The following APOL1 variants were observed in gnomAD, a reference collection of about 807,000 sequenced individuals.
APOL1 encodes the protein apolipoprotein L 1.
In APOL1, 17 loss-of-function variants were observed where a neutral mutation model predicts 14.9. The observed-to-expected ratio is 1.14, with a 90% CI of 0.78 to 1.71. APOL1 has a LOEUF of 1.71. Among genes scored for constraint, APOL1 ranks in the 40% most tolerant of loss-of-function variants. The probability of loss-of-function intolerance (pLI) is 0.00; values close to 1 mark genes in which losing one functional copy is unlikely to be tolerated. For missense variants in APOL1, 523 were observed against 485.9 expected (o/e 1.08, Z -0.72); for synonymous variants, 195 against 184.8 (o/e 1.05, Z -0.45).
chr22:36,253,854 A>G (rs974188805), intron 1 of APOL1: 50 of 1,368,180 alleles, frequency 3.7e-5, no homozygotes, highest in Non-Finnish European at 5.1e-5. Flanking sequence ...GGGGTGATGG[A>G]GAAGAAACAG....
At chr22:36,264,810 C>CTTTTTTTT (rs368899919) in intron 5 of APOL1, among the ~76,000 whole-genome samples, 11 of 120,430 alleles carry the variant, frequency 9.1e-5, no homozygotes, top group East Asian at 4.5e-4. Context: ...AACTGCATTT[C>CTTTTTTTT]TTTTTTTTTT....
In APOL1 at chr22:36,263,807, A is replaced by G. The variant is rs970594837; in HGVS notation, c.315-1344A>G. Among the ~76,000 whole-genome samples the G allele has an allele frequency of 3.9e-5, 6 of 152,222 alleles. 1 individual carries two copies. Among genetic ancestry groups the G allele is most frequent in the African/African-American group, 1.4e-4 (6 of 41,444 alleles). On this transcript the variant is annotated intron_variant, in intron 5 of 5. Transcript: ENST00000397278. ...ATAGTAAAGACAGAGGGGGAGTCACAGCCAACACCAGGGTGGGGGCGGGAG... is the reference window on the plus strand; with the variant it reads ...ATAGTAAAGACAGAGGGGGAGTCACGGCCAACACCAGGGTGGGGGCGGGAG...
At chr22:36,263,600 C>T (rs2016142012) in intron 5 of APOL1, among the ~76,000 whole-genome samples, 1 of 152,238 alleles carries the variant, frequency 6.6e-6, no homozygotes, top group Non-Finnish European at 1.5e-5. Flanking sequence ...AAGTGTGAAG[C>T]TTCATTGTCC....
At chr22:36,260,396 C>G (rs136156) in intron 4 of APOL1, among the ~76,000 whole-genome samples, 2 of 149,624 alleles carry the variant, frequency 1.3e-5, no homozygotes, top group African/African-American at 4.9e-5. Context: ...CTCCATCCCC[C>G]CAAAAAAAAG....
chr22:36,259,694 T>A, intron 4 of APOL1: 1 of 1,303,690 alleles, frequency 7.7e-7, no homozygotes, highest in South Asian at 1.2e-5. Flanking sequence ...GAGGTGACAG[T>A]GGAGAGCCGT....
rs1282015503 is a variant in APOL1, at chr22:36,258,074, C to T, written c.187+667C>T. Among the ~76,000 whole-genome samples, 4 of 152,330 alleles carry T rather than the reference C, an allele frequency of 2.6e-5. No individual in the cohort carries two copies. The East Asian group carries it at 7.7e-4, about 29-fold the overall frequency. ...CCTGGCCTGGCCAGTGCCTGCCACA[C>T]AATAGGGCCTCCCTAAGGGCTGGTT... is the stretch of plus-strand genomic sequence containing the variant. On this transcript the variant is annotated intron_variant, in intron 4 of 5. Coordinates refer to ENST00000397278, the MANE Select transcript of APOL1 (RefSeq NM_003661.4).
Position 36,253,896 on chromosome 22 carries a change from T to G in APOL1, c.-20+677T>G. ...CTGTGTCCCTAATGGGAAACGTGGC[T>G]GAGACAGGGGAGTGAGAAGGGTGCG... On this transcript the variant is annotated intron_variant, in intron 1 of 5. Coordinates refer to ENST00000397278, the MANE Select transcript of APOL1 (RefSeq NM_003661.4). 2.5e-6 allele frequency: 4 copies of G among 1,601,056 alleles called. No homozygotes were observed. The South Asian group carries it at 3.3e-5, about 13-fold the overall frequency.
chr22:36,264,692 A>C (rs893566402), intron 5 of APOL1, among the ~76,000 whole-genome samples: 2 of 152,210 alleles, frequency 1.3e-5, no homozygotes, highest in Non-Finnish European at 2.9e-5. Context: ...TTTGAGTTTG[A>C]AAGATAATTA....
chr22:36,263,984 G>C (rs2016152847), intron 5 of APOL1, among the ~76,000 whole-genome samples: 1 of 152,154 alleles, frequency 6.6e-6, no homozygotes, highest in African/African-American at 2.4e-5. Context: ...ACAGCAAGGG[G>C]GGAAGACCCT....
Position 36,266,777 on chromosome 22 carries a change from C to T in APOL1, c.*744C>T, listed in dbSNP as rs575482587. 65 of 316,512 alleles carry T rather than the reference C, an allele frequency of 2.1e-4. No individual in the cohort carries two copies. The East Asian group carries it at 2.4e-3, about 12-fold the overall frequency. 19.6% of individuals were successfully genotyped at this position (316,512 alleles called of 1,614,324 possible). ...AAAATTAGCCGGGCATGGTGGCGGG[C>T]GCCTGTAGTTCCAGCTAACTGGGCG... On this transcript the variant is annotated 3_prime_UTR_variant, in exon 6 of 6. Transcript: ENST00000397278.
In APOL1 at chr22:36,265,560, G is replaced by C; in HGVS notation, c.724G>C (p.Asp242His). The C allele has an allele frequency of 6.2e-7, 1 of 1,602,826 alleles. No homozygotes were observed. Among genetic ancestry groups the C allele is most frequent in the Non-Finnish European group, 8.5e-7 (1 of 1,174,410 alleles). ...KKWWTQAQAH[D>H]LVIKSLDKLK... Reference sequence around the variant, plus strand: ...GTGGTGGACACAAGCCCAAGCCCACGACCTGGTCATCAAAAGCCTTGACAA... The same window carrying C: ...GTGGTGGACACAAGCCCAAGCCCACCACCTGGTCATCAAAAGCCTTGACAA... Residue 242 changes from aspartate to histidine, a missense_variant, in exon 6 of 6, where the codon GAC becomes CAC. Asp to His is a moderately conservative substitution (Grantham distance 81). Transcript: ENST00000397278.
At position 36,253,144 on chromosome 22, in the gene APOL1, G is replaced by A. The variant is rs1000932100; in HGVS notation, c.-95G>A. 2.5e-5 allele frequency: 12 copies of A among 488,848 alleles called. No homozygotes were observed. The highest frequency in any genetic ancestry group is 7.9e-5 in the African/African-American group (4 of 50,340). 30.3% of individuals were successfully genotyped at this position (488,848 alleles called of 1,614,324 possible). ...GGACCTGTCTGGTTATTATACAGAC[G>A]CATAACTGGAGGTGGGATCCACACA... is the stretch of plus-strand genomic sequence containing the variant. On this transcript the variant is annotated 5_prime_UTR_variant, in exon 1 of 6. Transcript: ENST00000397278.
Position 36,265,520 on chromosome 22 carries a change from G to C in APOL1, c.684G>C (p.Met228Ile), listed in dbSNP as rs136175. 1.2e-6 allele frequency: 2 copies of C among 1,613,188 alleles called. No individual in the cohort carries two copies. The highest frequency in any genetic ancestry group is 2.2e-5 in the South Asian group (2 of 90,932). Residue 228 changes from methionine (M) to isoleucine (I), a missense_variant, in exon 6 of 6, where the codon ATG becomes ATC. Transcript: ENST00000397278. ...TGACCGGGATTACCAGCAGTACCATGGACTACGGAAAGAAGTGGTGGACAC... is the reference window on the plus strand; with the variant it reads ...TGACCGGGATTACCAGCAGTACCATCGACTACGGAAAGAAGTGGTGGACAC... ...AALTGITSST[M>I]DYGKKWWTQA... is the part of the protein sequence containing the mutation.
Position 36,265,308 on chromosome 22 carries a change from C to A in APOL1, c.472C>A (p.Leu158Ile). The change falls in exon 6 of 6, where the codon CTC becomes ATC. Residue 158 changes from leucine to isoleucine, a missense_variant. Coordinates refer to ENST00000397278, the MANE Select transcript of APOL1 (RefSeq NM_003661.4). ...TGAGCTTGAGGATAACATAAGAAGG[C>A]TCCGTGCCCTTGCAGATGGGGTTCA... ...KSELEDNIRR[L>I]RALADGVQKV... is the part of the protein sequence containing the mutation. The A allele has an allele frequency of 6.2e-7, 1 of 1,613,092 alleles. No homozygotes were observed. Among genetic ancestry groups the A allele is most frequent in the South Asian group, 1.1e-5 (1 of 90,938 alleles).
chr22:36,261,133 C>T (rs536743257), intron 4 of APOL1, among the ~76,000 whole-genome samples: 14 of 152,198 alleles, frequency 9.2e-5, no homozygotes, highest in Non-Finnish European at 2.1e-4. Context: ...AGTAAAATAT[C>T]ACAGGCTGGG....
rs979502281 is a variant in APOL1, at chr22:36,257,701, G to GT, written c.187+294_187+295insT. On this transcript the variant is annotated intron_variant, in intron 4 of 5. Coordinates refer to ENST00000397278, the MANE Select transcript of APOL1 (RefSeq NM_003661.4). ...CCTTGGGGAAGTGGAATCAGCGGGG[G>GT]GGGGGGGGAGTGTGGGGAGAGCAGG... 3.4e-4 allele frequency: 106 copies of GT among 308,546 alleles called. 1 individual carries two copies. Among genetic ancestry groups the GT allele is most frequent in the African/African-American group, 2.1e-3 (97 of 45,344 alleles). The allele number at this position is 308,546 out of a possible 1,614,324, so 19.1% of individuals were successfully genotyped here.
At chr22:36,258,869 G>T (rs2015983311) in intron 4 of APOL1, among the ~76,000 whole-genome samples, 2 of 152,316 alleles carry the variant, frequency 1.3e-5, no homozygotes, top group South Asian at 4.1e-4. Flanking sequence ...GTATGATTGA[G>T]TGTGAGGCAA....
Position 36,265,024 on chromosome 22 carries a change from G to A in APOL1, c.315-127G>A, listed in dbSNP as rs990890471. 3.2e-6 allele frequency: 4 copies of A among 1,232,174 alleles called. No individual in the cohort carries two copies. The African/African-American group carries it at 6.1e-5, about 19-fold the overall frequency. 76.3% of individuals were successfully genotyped at this position (1,232,174 alleles called of 1,614,324 possible). On this transcript the variant is annotated intron_variant, in intron 5 of 5. Coordinates refer to ENST00000397278, the MANE Select transcript of APOL1 (RefSeq NM_003661.4). ...GACAGGGTTTCACCGTATTAGTCAG[G>A]ATGGTCTCAATCTCCTGACCTTGTG...
Position 36,261,666 on chromosome 22 carries a change from C to A in APOL1, c.258C>A (p.Leu86=). The A allele has an allele frequency of 1.2e-6, 2 of 1,614,164 alleles. No individual in the cohort carries two copies. Among genetic ancestry groups the A allele is most frequent in the South Asian group, 1.1e-5 (1 of 91,074 alleles). ...AAGTGAGCACACAGAATCTGCTACT[C>A]CTGCTGACTGATAATGAGGCCTGGA... The part of the protein sequence containing the change: ...KEKVSTQNLL[L]LLTDNEAWNG... The change falls in exon 5 of 6, where the codon CTC becomes CTA. Residue 86 remains leucine, a synonymous_variant. Coordinates refer to ENST00000397278, the MANE Select transcript of APOL1 (RefSeq NM_003661.4).
Sources: gnomAD v4.1 joint callset for allele counts (sites outside exome capture counted in the v4.1 genomes callset) on GRCh38, gnomAD v4.1.1 for gene constraint, MANE v1.5 for transcripts, NCBI Gene and HGNC (gene_info 2026-07-23, HGNC 2026-07-21) for gene names.